Variants in COL4A5 observed in about 807,000 individuals in gnomAD.
COL4A5 encodes the protein collagen alpha-5(IV) chain.
A neutral mutation model predicts 130.2 loss-of-function variants in COL4A5; 26 were observed. The ratio of observed to expected loss-of-function variants is 0.20; its 90% CI spans 0.15 to 0.28. The LOEUF is 0.28. Among genes scored for constraint, COL4A5 ranks in the 10% least tolerant of loss-of-function variants. The probability of loss-of-function intolerance (pLI) is 1.00; values close to 1 mark genes in which losing one functional copy is unlikely to be tolerated. For missense variants in COL4A5, 1,131 were observed against 1,344.3 expected (o/e 0.84, Z 2.48); for synonymous variants, 496 against 439.6 (o/e 1.13, Z -1.60).
chrX:108,587,103 TTTTC>T (rs2066349252), intron 19 of COL4A5, among the ~76,000 whole-genome samples: 1 of 111,992 alleles, frequency 8.9e-6, no homozygotes, highest in African/African-American at 3.2e-5. Context: ...AGTATTTATC[TTTTC>T]TTTATGTTGG....
chrX:108,448,762 A>G (rs758196656), intron 1 of COL4A5, among the ~76,000 whole-genome samples: 2 of 112,151 alleles, frequency 1.8e-5, no homozygotes, highest in East Asian at 2.8e-4. Flanking sequence ...AGCTCACATA[A>G]CAAGAAGTTT....
chrX:108,586,076 G>A (rs1197522278), intron 18 of COL4A5, among the ~76,000 whole-genome samples: 1 of 111,804 alleles, frequency 8.9e-6, no homozygotes, highest in African/African-American at 3.2e-5. Context: ...AGAAGTATTG[G>A]AAGTGAGAGG....
rs2064364994 is a variant in COL4A5 at position 108,439,838 on chromosome X, A to G, written c.-288A>G. 2.9e-5 allele frequency: 10 copies of G among 345,868 alleles called. No individual in the cohort carries two copies. The South Asian group carries it at 4.6e-4, about 16-fold the overall frequency. 28.5% of individuals were successfully genotyped at this position (345,868 alleles called of 1,213,427 possible). A position where few individuals can be genotyped will look rare whatever the true frequency, so the allele number is the denominator to read the frequency against. ...GCACGGGGAAGAGAGGGAGGAAAGT[A>G]GATCTGTAGGAATTGAGTGAAGAAA... On this transcript the variant is annotated 5_prime_UTR_variant, in exon 1 of 53. Coordinates refer to ENST00000328300, the MANE Select transcript of COL4A5 (RefSeq NM_033380.3).
chrX:108,641,761 G>A (rs749605954), intron 36 of COL4A5, among the ~76,000 whole-genome samples: 5 of 111,994 alleles, frequency 4.5e-5, no homozygotes, highest in African/African-American at 1.6e-4. Context: ...CACCAAGCAG[G>A]CCATTCCTGC....
At chrX:108,552,954 C>T (rs1017760776) in intron 2 of COL4A5, among the ~76,000 whole-genome samples, 3 of 112,066 alleles carry the variant, frequency 2.7e-5, no homozygotes, top group Non-Finnish European at 5.6e-5. Flanking sequence ...TAGAGACTCA[C>T]AGGTAAATAG....
intron 38 of COL4A5, among the ~76,000 whole-genome samples, chrX:108,665,877 G>A (rs747565634): frequency 1.8e-5 from 2 of 111,117 alleles, no homozygotes; most frequent in East Asian, 5.7e-4. Flanking sequence ...ATGGTGATAC[G>A]CCATTTCTAT....
At chrX:108,454,874 A>C (rs2064568171) in intron 1 of COL4A5, among the ~76,000 whole-genome samples, 1 of 111,387 alleles carries the variant, frequency 9.0e-6, no homozygotes, top group Non-Finnish European at 1.9e-5. Context: ...CAGCCTCCCA[A>C]AGTGCTGAGA....
At chrX:108,546,155 T>C (rs1267617340) in intron 2 of COL4A5, among the ~76,000 whole-genome samples, 1 of 112,001 alleles carries the variant, frequency 8.9e-6, no homozygotes, top group African/African-American at 3.2e-5. Context: ...GTCATTATGA[T>C]GTTAGCTGGT....
chrX:108,515,545 C>A (rs1339905300), intron 1 of COL4A5, among the ~76,000 whole-genome samples: 1 of 110,637 alleles, frequency 9.0e-6, no homozygotes, highest in Non-Finnish European at 1.9e-5. Context: ...CCACTGATTT[C>A]TGTAAGATGG....
intron 1 of COL4A5, among the ~76,000 whole-genome samples, chrX:108,517,199 A>C (rs998009382): frequency 1.1e-4 from 12 of 111,379 alleles, no homozygotes; most frequent in African/African-American, 3.6e-4. Flanking sequence ...TATTTTTGAA[A>C]ATATACGTAT....
intron 36 of COL4A5, chrX:108,627,458 T>C: frequency 1.3e-6 from 1 of 748,210 alleles, no homozygotes; most frequent in Non-Finnish European, 1.6e-6. Context: ...CATGCTACTC[T>C]GTACCTTGCT....
intron 1 of COL4A5, among the ~76,000 whole-genome samples, chrX:108,467,709 T>C: frequency 8.9e-6 from 1 of 111,963 alleles, no homozygotes; most frequent in East Asian, 2.8e-4. Context: ...ACATGTTTTT[T>C]ACCTCCTTGG....
At chrX:108,635,655 G>A (rs1418743618) in intron 36 of COL4A5, among the ~76,000 whole-genome samples, 1 of 111,718 alleles carries the variant, frequency 9.0e-6, no homozygotes, top group African/African-American at 3.2e-5. Context: ...CACTCTTCTG[G>A]ATTTCAAAAC....
chrX:108,452,447 C>T (rs914828466), intron 1 of COL4A5, among the ~76,000 whole-genome samples: 12 of 112,046 alleles, frequency 1.1e-4, no homozygotes, highest in Non-Finnish European at 1.5e-4. Flanking sequence ...TTGATTCTTC[C>T]TACCCATGAG....
chrX:108,486,568 C>A (rs2064946807), intron 1 of COL4A5, among the ~76,000 whole-genome samples: 1 of 111,284 alleles, frequency 9.0e-6, no homozygotes, highest in African/African-American at 3.3e-5. Flanking sequence ...CCCTTACACC[C>A]CTCCCACCCT....
intron 25 of COL4A5, among the ~76,000 whole-genome samples, chrX:108,599,509 G>A (rs1448222827): frequency 9.1e-6 from 1 of 110,228 alleles, no homozygotes; most frequent in Non-Finnish European, 1.9e-5. Flanking sequence ...TATGGTTAAT[G>A]GTTAATTGGG....
chrX:108,561,192 T>G (rs746000817), intron 3 of COL4A5, among the ~76,000 whole-genome samples: 1 of 111,841 alleles, frequency 8.9e-6, no homozygotes, highest in East Asian at 2.8e-4. Flanking sequence ...AGGTGACATA[T>G]CCATTAGTTT....
In COL4A5 at chrX:108,578,329, G is replaced by A. The variant is rs757769447; in HGVS notation, c.726G>A (p.Gly242=). ...QGLQGPPGPP[G]QISEQKRPID... is the part of the protein sequence containing the mutation. ...TTCAGGGCCCACCTGGGCCACCTGGGCAGATCAGTGAACAGAAAAGACCAA... is the reference window on the plus strand; with the variant it reads ...TTCAGGGCCCACCTGGGCCACCTGGACAGATCAGTGAACAGAAAAGACCAA... Residue 242 remains glycine (G), a synonymous_variant, in exon 13 of 53, where the codon GGG becomes GGA. Transcript: ENST00000328300. 8.3e-7 allele frequency: 1 copy of A among 1,211,070 alleles called. No homozygotes were observed. Among genetic ancestry groups the A allele is most frequent in the Admixed American group, 2.2e-5 (1 of 46,045 alleles).
In COL4A5 at chrX:108,588,954, C is replaced by T. The variant is rs192096197; in HGVS notation, c.1166-2104C>T. ...CTTCAGACTGTCTCTGAAATAGTTA[C>T]TGGAGGTTTTACTCCAAAAAGAAAA... On this transcript the variant is annotated intron_variant, in intron 19 of 52. Transcript: ENST00000328300. 3.6e-5 allele frequency among the ~76,000 whole-genome samples: 4 copies of T among 111,461 alleles called. No individual in the cohort carries two copies. The East Asian group carries it at 1.1e-3, about 31-fold the overall frequency.
Sources: gnomAD v4.1 joint callset for allele counts (sites outside exome capture counted in the v4.1 genomes callset) on GRCh38, gnomAD v4.1.1 for gene constraint, MANE v1.5 for transcripts, NCBI Gene and HGNC (gene_info 2026-07-23, HGNC 2026-07-21) for gene names.